ZNF577: variants seen among roughly 807,000 people sequenced by gnomAD.
ZNF577 encodes the protein zinc finger protein 577.
Under a neutral mutation model 13.9 loss-of-function variants are expected in ZNF577, and 14 were observed. The ratio of observed to expected loss-of-function variants is 1.00; its 90% CI spans 0.66 to 1.57. The LOEUF (loss-of-function observed/expected upper bound fraction) is 1.57, where lower values mean the gene tolerates loss of function less well. ZNF577 is among the 40% of genes most tolerant of loss of function. The pLI is 0.00. For missense variants in ZNF577, 555 were observed against 579.2 expected, an observed-to-expected ratio of 0.96 and a Z score of 0.43; for synonymous variants, 203 against 202.9, an observed-to-expected ratio of 1.00 and a Z score of 0.00.
intron 5 of ZNF577, among the ~76,000 whole-genome samples, chr19:51,874,038 T>C (rs1401018903): frequency 1.3e-5 from 2 of 152,140 alleles, no homozygotes; most frequent in African/African-American, 4.8e-5. Flanking sequence ...GATGATACTA[T>C]AAAACAGCAA....
chr19:51,857,185 G>A (rs1258928571), intron 5 of ZNF577, among the ~76,000 whole-genome samples: 2 of 152,048 alleles, frequency 1.3e-5, no homozygotes, highest in Non-Finnish European at 2.9e-5. Context: ...TGTAGTCCCA[G>A]CTGTTCAGGA....
At chr19:51,808,452 T>A (rs1432268185) in intron 10 of ZNF577, among the ~76,000 whole-genome samples, 1 of 152,202 alleles carries the variant, frequency 6.6e-6, no homozygotes, top group East Asian at 1.9e-4. Flanking sequence ...AAGAATATCA[T>A]CCATATAATG....
chr19:51,838,135 C>A (rs927620808), intron 9 of ZNF577, among the ~76,000 whole-genome samples: 7 of 152,284 alleles, frequency 4.6e-5, no homozygotes, highest in Non-Finnish European at 8.8e-5. Context: ...AATTTGTAGT[C>A]ATTTCTACAT....
chr19:51,835,534 A>G (rs2084283439), intron 9 of ZNF577, among the ~76,000 whole-genome samples: 1 of 152,190 alleles, frequency 6.6e-6, no homozygotes, highest in South Asian at 2.1e-4. Context: ...AGGAACACTT[A>G]CTAGTTTACT....
chr19:51,840,932 G>A (rs1019565997), intron 8 of ZNF577: 2 of 152,142 alleles, frequency 1.3e-5, no homozygotes, highest in Admixed American at 1.3e-4. Context: ...AAAGTATAGA[G>A]TTGAAAACCA....
chr19:51,879,499 G>A (rs1402223770), intron 3 of ZNF577, among the ~76,000 whole-genome samples: 1 of 152,094 alleles, frequency 6.6e-6, no homozygotes, highest in Non-Finnish European at 1.5e-5. Flanking sequence ...AGCCCAGGAG[G>A]CAGAGGTTGC....
intron 5 of ZNF577, among the ~76,000 whole-genome samples, chr19:51,857,276 C>T (rs77651962): frequency 0.04 from 5,898 of 147,034 alleles, 180 homozygotes; most frequent in Non-Finnish European, 0.06. Flanking sequence ...TTCAGCCTGG[C>T]GACAAAGCGA....
downstream of ZNF577, among the ~76,000 whole-genome samples, chr19:51,865,532 T>G (rs552952158): frequency 1.3e-5 from 2 of 152,318 alleles, no homozygotes; most frequent in East Asian, 3.9e-4. Flanking sequence ...CCAAATATCC[T>G]TACCCCAGGA....
At chr19:51,816,296 G>A (rs991183794) in intron 9 of ZNF577, among the ~76,000 whole-genome samples, 1 of 152,138 alleles carries the variant, frequency 6.6e-6, no homozygotes, top group Non-Finnish European at 1.5e-5. Flanking sequence ...GCCCAGGCTT[G>A]GAGTACAGTG....
In ZNF577 at chr19:51,873,276, T is replaced by C. The variant is rs1415374025; in HGVS notation, c.714A>G (p.Gly238=). Reference sequence around the variant, plus strand: ...ATTTGCTGCATCTGTAGGGTTTCTCTCCTGTATGGGTTCTCTGATGGACCA... The same window carrying C: ...ATTTGCTGCATCTGTAGGGTTTCTCCCCTGTATGGGTTCTCTGATGGACCA... ...QLMVHQRTHT[G]EKPYRCSKCG... Residue 238 remains glycine (G), a synonymous_variant, in exon 6 of 6, where the codon GGA becomes GGG. Coordinates refer to ENST00000638348, the MANE Select transcript of ZNF577 (RefSeq NM_001370449.1). 1 of 1,613,304 alleles carries C rather than the reference T, an allele frequency of 6.2e-7. No individual in the cohort carries two copies. Among genetic ancestry groups the C allele is most frequent in the East Asian group, 2.2e-5 (1 of 44,882 alleles).
chr19:51,851,947 C>A (rs895414674), intron 5 of ZNF577, among the ~76,000 whole-genome samples: 11 of 152,176 alleles, frequency 7.2e-5, no homozygotes, highest in African/African-American at 2.7e-4. Context: ...CATCACCTGC[C>A]ACATCCCCAA....
At chr19:51,854,918 C>T (rs1402166128) in intron 5 of ZNF577, among the ~76,000 whole-genome samples, 1 of 152,046 alleles carries the variant, frequency 6.6e-6, no homozygotes, top group Admixed American at 6.6e-5. Context: ...TGTCTTCTGC[C>T]ACCTCAAATC....
intron 5 of ZNF577, among the ~76,000 whole-genome samples, chr19:51,846,425 T>C (rs2084351935): frequency 6.6e-6 from 1 of 152,068 alleles, no homozygotes; most frequent in Non-Finnish European, 1.5e-5. Flanking sequence ...GAAGAGATAT[T>C]GGCTGGGTGC....
rs1045005681 is a variant in ZNF577 at position 51,870,483 on chromosome 19, C to T, written c.*2049G>A. 3.3e-5 allele frequency among the ~76,000 whole-genome samples: 5 copies of T among 152,148 alleles called. No homozygotes were observed. The highest frequency in any genetic ancestry group is 1.3e-4 in the Admixed American group (2 of 15,270). ...CTGAGCCACCCACAGAGGCAATACTCCTTACTTAAGGTCCACTGTGATTCT... is the reference window on the plus strand; with the variant it reads ...CTGAGCCACCCACAGAGGCAATACTTCTTACTTAAGGTCCACTGTGATTCT... On this transcript the variant is annotated 3_prime_UTR_variant, in exon 6 of 6. Coordinates refer to ENST00000638348, the MANE Select transcript of ZNF577 (RefSeq NM_001370449.1).
At position 51,838,503 on chromosome 19, in the gene ZNF577, T is replaced by A. The variant is rs533191747; in HGVS notation, c.*599+1390A>T. Among the ~76,000 whole-genome samples, 365 of 149,916 alleles carry A rather than the reference T, an allele frequency of 2.4e-3. 2 individuals are homozygous for A. The highest frequency in any genetic ancestry group is 4.3e-3 in the African/African-American group (179 of 41,240). ...TTAAAGTATAATAAAAAATTTTTTT[T>A]TAAAATAGCCATTCTCCCTGGTATA... is the stretch of plus-strand genomic sequence containing the variant. On this transcript the variant is annotated intron_variant and NMD_transcript_variant, in intron 9 of 10. Transcript: ENST00000638827.
At chr19:51,842,048 G>A (rs922041332) in intron 8 of ZNF577, among the ~76,000 whole-genome samples, 1 of 152,196 alleles carries the variant, frequency 6.6e-6, no homozygotes, top group Non-Finnish European at 1.5e-5. Context: ...GGACACAGGT[G>A]TCATCAAACT....
At chr19:51,816,707 T>C (rs959805050) in intron 9 of ZNF577, among the ~76,000 whole-genome samples, 5 of 152,192 alleles carry the variant, frequency 3.3e-5, no homozygotes, top group African/African-American at 1.2e-4. Context: ...GGGACTTGCA[T>C]TGGTATCTGA....
At chr19:51,815,104 A>G (rs1383159887) in intron 9 of ZNF577, among the ~76,000 whole-genome samples, 1 of 151,902 alleles carries the variant, frequency 6.6e-6, no homozygotes, top group Non-Finnish European at 1.5e-5. Flanking sequence ...GCCACCTTTT[A>G]TCACATCTCA....
intron 9 of ZNF577, among the ~76,000 whole-genome samples, chr19:51,831,771 T>G (rs990562525): frequency 6.6e-6 from 1 of 152,234 alleles, no homozygotes; most frequent in African/African-American, 2.4e-5. Flanking sequence ...ATGGTCTTCC[T>G]CAACAGTTTT....
Sources: gnomAD v4.1 joint callset for allele counts (sites outside exome capture counted in the v4.1 genomes callset) on GRCh38, gnomAD v4.1.1 for gene constraint, MANE v1.5 for transcripts, NCBI Gene and HGNC (gene_info 2026-07-23, HGNC 2026-07-21) for gene names.